ARHGAP23: variants seen among roughly 807,000 people sequenced by gnomAD.
The protein encoded by ARHGAP23 is Rho GTPase activating protein 23.
ARHGAP23 carries 34 observed loss-of-function variants against 136.3 expected under a neutral mutation model. The ratio of observed to expected loss-of-function variants is 0.25; its 90% CI spans 0.19 to 0.33. The LOEUF (loss-of-function observed/expected upper bound fraction) is 0.33. Among genes scored for constraint, ARHGAP23 ranks in the 10% least tolerant of loss-of-function variants. The pLI, the probability that ARHGAP23 is intolerant of heterozygous loss-of-function variation, is 1.00. For missense variants in ARHGAP23, 1,808 were observed against 2,139.0 expected (o/e 0.85, Z 3.05); for synonymous variants, 832 against 920.5 (o/e 0.90, Z 1.74).
At chr17:38,469,336 C>CT (rs2039688375) in intron 8 of ARHGAP23, 37 bp downstream of exon 8, 1 of 1,527,714 alleles carries the variant, frequency 6.5e-7, no homozygotes, top group African/African-American at 1.4e-5. Context: ...CACCCTCTCC[C>CT]TCGCTGCCCA....
chr17:38,507,761 GGGCAACCA>G (rs1256618680), intron 23 of ARHGAP23, among the ~76,000 whole-genome samples: 2 of 152,188 alleles, frequency 1.3e-5, no homozygotes, highest in Non-Finnish European at 2.9e-5. Flanking sequence ...TGTGCATTGT[GGGCAACCA>G]TGGCCCAGGA....
At chr17:38,424,140 T>G (rs938966362), upstream of ARHGAP23, among the ~76,000 whole-genome samples, 22 of 152,180 alleles carry the variant, frequency 1.4e-4, no homozygotes, top group African/African-American at 4.8e-4. Context: ...CTTCAGATTC[T>G]TGATTCAGGG....
In ARHGAP23 at chr17:38,490,075, C is replaced by T; in HGVS notation, c.2987-27C>T. The T allele has an allele frequency of 5.2e-6, 8 of 1,550,554 alleles. No individual in the cohort carries two copies. In the South Asian group the frequency reaches 9.5e-5, roughly 18 times the overall value. On this transcript the variant is annotated intron_variant, in intron 17 of 23. Coordinates refer to ENST00000622683, the MANE Select transcript of ARHGAP23 (RefSeq NM_001199417.2). ...ACAGGGGAAGGCGCTGCCCCCACCT[C>T]TCTAAAGAGTCTCCGCTGTGTTCTA...
Position 38,510,995 on chromosome 17 carries a change from G to A in ARHGAP23, c.*23G>A. On this transcript the variant is annotated 3_prime_UTR_variant, in exon 24 of 24. Transcript: ENST00000622683. This position sits in a 1 kb window ranked among gnomAD's most constrained non-coding sequence, Gnocchi z 4.6. ...TGATCCCCACCTCCCGCGCCGCTCG[G>A]GCGCCACCCCTCCCTAGAGCCCCTT... 2 of 1,405,292 alleles carry A rather than the reference G, an allele frequency of 1.4e-6. No homozygotes were observed. Among genetic ancestry groups the A allele is most frequent in the South Asian group, 3.1e-5 (2 of 63,744 alleles). The allele number at this position is 1,405,292 out of a possible 1,614,324, so 87.1% of individuals were successfully genotyped here.
rs770374106 is a variant in ARHGAP23, at chr17:38,479,798, C to G, written c.2544C>G (p.Arg848=). The change falls in exon 14 of 24, where the codon CGC becomes CGG. Residue 848 remains arginine (R), a synonymous_variant. Transcript: ENST00000622683. ...CTGATTCCTCCCCCAAAGGCTCTCG[C>G]GGCCTGGGGGGCCTCAAGTCTGAGT... ...PKADSSPKGS[R]GLGGLKSEFL... 6.6e-7 allele frequency: 1 copy of G among 1,517,668 alleles called. No individual in the cohort carries two copies. 94.0% of individuals were successfully genotyped at this position (1,517,668 alleles called of 1,614,324 possible). A position where few individuals can be genotyped will look rare whatever the true frequency, so the allele number is the denominator to read the frequency against.
chr17:38,475,630 A>G (rs2039875227), intron 11 of ARHGAP23, among the ~76,000 whole-genome samples: 1 of 152,216 alleles, frequency 6.6e-6, no homozygotes, highest in Non-Finnish European at 1.5e-5. Context: ...GCCAGCAGAG[A>G]GGAGCTCTTG....
intron 1 of ARHGAP23, among the ~76,000 whole-genome samples, chr17:38,420,784 C>T (rs2038512816): frequency 6.6e-6 from 1 of 150,942 alleles, no homozygotes; most frequent in Non-Finnish European, 1.5e-5. Context: ...CTCCCCAGAG[C>T]AGCAGGCCTG....
At chr17:38,458,621 G>C (rs977418576) in intron 2 of ARHGAP23, among the ~76,000 whole-genome samples, 1 of 152,166 alleles carries the variant, frequency 6.6e-6, no homozygotes, top group Non-Finnish European at 1.5e-5. Context: ...CAGTTGTCTG[G>C]GAGTTCCTGG....
intron 6 of ARHGAP23, among the ~76,000 whole-genome samples, chr17:38,464,052 C>G (rs1016663942): frequency 2.6e-5 from 4 of 152,124 alleles, no homozygotes; most frequent in Admixed American, 1.3e-4. Context: ...AGCATAGTAC[C>G]TTGCACACTC....
At position 38,510,117 on chromosome 17, in the gene ARHGAP23, G is replaced by A. The variant is rs2040721563; in HGVS notation, c.3621G>A (p.Pro1207=). Residue 1207 remains proline, a synonymous_variant, in exon 24 of 24, where the codon CCG becomes CCA. Transcript: ENST00000622683. The surrounding 1 kb of genome is among the most constrained non-coding windows in gnomAD (Gnocchi z 4.6). The part of the protein sequence containing the change: ...AHKPGAGATA[P]GTQERPQGPL... Reference sequence around the variant, plus strand: ...AGCCTGGGGCGGGGGCCACAGCGCCGGGGACTCAGGAGCGGCCGCAGGGGC... The same window carrying A: ...AGCCTGGGGCGGGGGCCACAGCGCCAGGGACTCAGGAGCGGCCGCAGGGGC... The A allele has an allele frequency of 2.4e-6, 3 of 1,261,024 alleles. No individual in the cohort carries two copies. The highest frequency in any genetic ancestry group is 2.0e-6 in the Non-Finnish European group (2 of 1,008,610). 78.1% of individuals were successfully genotyped at this position (1,261,024 alleles called of 1,614,324 possible). A position where few individuals can be genotyped will look rare whatever the true frequency, so the allele number is the denominator to read the frequency against.
chr17:38,500,533 A>AT, intron 22 of ARHGAP23, 64 bp from the exon 23 acceptor site: 1 of 1,441,566 alleles, frequency 6.9e-7, no homozygotes, highest in Non-Finnish European at 9.5e-7. Flanking sequence ...AATTGTGTGC[A>AT]TAAGACTCAG....
Position 38,510,212 on chromosome 17 carries a change from C to A in ARHGAP23, c.3716C>A (p.Pro1239Gln). The A allele has an allele frequency of 7.3e-6, 10 of 1,371,742 alleles. No individual in the cohort carries two copies. Among genetic ancestry groups the A allele is most frequent in the Non-Finnish European group, 9.4e-6 (10 of 1,062,594 alleles). The allele number at this position is 1,371,742 out of a possible 1,614,324, so 85.0% of individuals were successfully genotyped here. A position where few individuals can be genotyped will look rare whatever the true frequency, so the allele number is the denominator to read the frequency against. Reference protein sequence around the residue: ...LSPPAAPEERPAADTRSIVSG... With the variant: ...LSPPAAPEERQAADTRSIVSG... Reference sequence around the variant, plus strand: ...CCCCCGGCGGCGCCGGAGGAGCGGCCGGCCGCGGACACGCGCTCCATTGTG... The same window carrying A: ...CCCCCGGCGGCGCCGGAGGAGCGGCAGGCCGCGGACACGCGCTCCATTGTG... Residue 1239 changes from proline to glutamine, a missense_variant, in exon 24 of 24, where the codon CCG becomes CAG. This residue lies in a region of ARHGAP23 where 506 missense variants were observed against 455.8 expected (regional missense o/e 1.11). Transcript: ENST00000622683. The surrounding 1 kb of genome is among the most constrained non-coding windows in gnomAD (Gnocchi z 4.6).
intron 2 of ARHGAP23, among the ~76,000 whole-genome samples, chr17:38,459,408 G>T (rs961300615): frequency 1.3e-5 from 2 of 152,210 alleles, no homozygotes; most frequent in Non-Finnish European, 2.9e-5. Context: ...TGGGGCTCCT[G>T]CATAACTGTT....
upstream of ARHGAP23, among the ~76,000 whole-genome samples, chr17:38,425,830 C>G (rs1278470803): frequency 6.7e-6 from 1 of 149,932 alleles, no homozygotes; most frequent in African/African-American, 2.5e-5. Flanking sequence ...TGGGCTGGGA[C>G]AGGGTGGGGG....
chr17:38,506,519 C>G (rs1240199791), intron 23 of ARHGAP23, among the ~76,000 whole-genome samples: 5 of 152,208 alleles, frequency 3.3e-5, no homozygotes, highest in Non-Finnish European at 7.3e-5. Context: ...TCTCACAGTT[C>G]TACAGGTTAG....
chr17:38,421,507 T>C (rs796999666), intron 1 of ARHGAP23, among the ~76,000 whole-genome samples: 6 of 152,318 alleles, frequency 3.9e-5, no homozygotes, highest in African/African-American at 1.4e-4. Context: ...CAGGGGAAGC[T>C]CCTATTTTAA....
chr17:38,495,061 G>A (rs548716842), intron 20 of ARHGAP23, among the ~76,000 whole-genome samples: 3 of 152,040 alleles, frequency 2.0e-5, no homozygotes, highest in African/African-American at 7.2e-5. Context: ...TGCTGCACTC[G>A]ACGTTTTCCA....
In ARHGAP23 at chr17:38,466,317, A is replaced by C; in HGVS notation, c.634A>C (p.Thr212Pro). Residue 212 changes from threonine (T) to proline (P), a missense_variant, in exon 7 of 24, where the codon ACC becomes CCC. Physicochemically the swap from Thr to Pro is conservative, Grantham distance 38 (BLOSUM62 -1). Transcript: ENST00000622683. ...CAGGGCCACTATGGTGCCTGAGCCC[A>C]CCTCAGCACTGCCCAGTGACCCCCG... ...STRATMVPEP[T>P]SALPSDPRSP... is the part of the protein sequence containing the mutation. The C allele has an allele frequency of 6.5e-7, 1 of 1,545,246 alleles. No individual in the cohort carries two copies. The highest frequency in any genetic ancestry group is 8.7e-7 in the Non-Finnish European group (1 of 1,146,584).
chr17:38,461,794 G>A (rs1202189031), intron 3 of ARHGAP23, among the ~76,000 whole-genome samples: 1 of 152,160 alleles, frequency 6.6e-6, no homozygotes, highest in African/African-American at 2.4e-5. Context: ...CCTGTGAGGA[G>A]GGCGTCTGAC....
Sources: gnomAD v4.1 joint callset for allele counts (sites outside exome capture counted in the v4.1 genomes callset) on GRCh38, gnomAD v4.1.1 for gene constraint, gnomAD v4.1.1 regional missense constraint, Gnocchi (gnomAD v3.1) non-coding constraint, MANE v1.5 for transcripts, NCBI Gene and HGNC (gene_info 2026-07-23, HGNC 2026-07-21) for gene names.